SORCS3: variants seen among roughly 807,000 people sequenced by gnomAD.
SORCS3 encodes the protein VPS10 domain-containing receptor SorCS3.
A neutral mutation model predicts 146.3 loss-of-function variants in SORCS3; 57 were observed. The observed-to-expected ratio is 0.39, with a 90% CI of 0.31 to 0.49. The LOEUF (loss-of-function observed/expected upper bound fraction) is 0.49, where lower values mean the gene tolerates loss of function less well. Ranked by LOEUF, SORCS3 falls within the 20% of genes least tolerant of loss-of-function variation. The pLI is 0.92. For synonymous variants in SORCS3, 653 were observed against 618.5 expected, an observed-to-expected ratio of 1.06 and a Z score of -0.83; for missense variants, 1,341 against 1,575.5, an observed-to-expected ratio of 0.85 and a Z score of 2.52.
intron 1 of SORCS3, among the ~76,000 whole-genome samples, chr10:104,751,285 A>G (rs2016980329): frequency 6.6e-6 from 1 of 152,186 alleles, no homozygotes; most frequent in Non-Finnish European, 1.5e-5. Flanking sequence ...ACTCTCTCTT[A>G]TGGGAGATTA....
At chr10:104,843,644 TTAA>T (rs758290755) in intron 2 of SORCS3, among the ~76,000 whole-genome samples, 3 of 152,164 alleles carry the variant, frequency 2.0e-5, no homozygotes, top group Non-Finnish European at 2.9e-5. Flanking sequence ...AGAGAGAACC[TTAA>T]TAAAGCCATG....
At chr10:104,756,736 G>A (rs2017057543) in intron 1 of SORCS3, among the ~76,000 whole-genome samples, 1 of 152,212 alleles carries the variant, frequency 6.6e-6, no homozygotes, top group African/African-American at 2.4e-5. Context: ...TCAGACAGTG[G>A]TCAGGGTAAC....
intron 3 of SORCS3, among the ~76,000 whole-genome samples, chr10:104,974,159 G>C (rs1163687845): frequency 2.0e-5 from 3 of 152,130 alleles, no homozygotes; most frequent in Admixed American, 2.0e-4. Context: ...GTGCTGAAAA[G>C]AATGTATATT....
At chr10:104,898,515 A>G (rs1472315369) in intron 2 of SORCS3, among the ~76,000 whole-genome samples, 1 of 152,206 alleles carries the variant, frequency 6.6e-6, no homozygotes, top group African/African-American at 2.4e-5. Flanking sequence ...AAAACCCTGG[A>G]ACCTCACTGT....
chr10:104,719,218 C>T (rs915970309), intron 1 of SORCS3, among the ~76,000 whole-genome samples: 1 of 152,152 alleles, frequency 6.6e-6, no homozygotes, highest in Non-Finnish European at 1.5e-5. Flanking sequence ...CCGTATTGGA[C>T]AGCACGGGTC....
At chr10:104,769,675 T>A (rs1325531241) in intron 1 of SORCS3, among the ~76,000 whole-genome samples, 2 of 152,084 alleles carry the variant, frequency 1.3e-5, no homozygotes, top group African/African-American at 2.4e-5. Flanking sequence ...GTCTGAGACA[T>A]CTGCTTGGAG....
At chr10:105,123,357 T>C (rs2055948955) in intron 7 of SORCS3, among the ~76,000 whole-genome samples, 1 of 152,224 alleles carries the variant, frequency 6.6e-6, no homozygotes, top group South Asian at 2.1e-4. Flanking sequence ...GGAAAGGGAT[T>C]GCTGTTCAGA....
intron 2 of SORCS3, among the ~76,000 whole-genome samples, chr10:104,907,853 T>C (rs962128996): frequency 1.3e-5 from 2 of 152,240 alleles, no homozygotes. Context: ...TTTAAATGAC[T>C]TACTTTTGGC....
chr10:104,979,757 A>G (rs903447437), intron 4 of SORCS3, among the ~76,000 whole-genome samples: 4 of 152,202 alleles, frequency 2.6e-5, no homozygotes, highest in African/African-American at 7.2e-5. Context: ...CATGGCATCA[A>G]GTGGATATTG....
At chr10:104,725,790 A>G (rs555955080) in intron 1 of SORCS3, among the ~76,000 whole-genome samples, 59 of 152,282 alleles carry the variant, frequency 3.9e-4, no homozygotes, top group African/African-American at 1.3e-3. Flanking sequence ...GCGGGATATA[A>G]TCTCCTGGTG....
At chr10:104,749,862 C>T (rs1589484300) in intron 1 of SORCS3, among the ~76,000 whole-genome samples, 2 of 151,986 alleles carry the variant, frequency 1.3e-5, no homozygotes, top group East Asian at 1.9e-4. Context: ...TTTTTAAAGC[C>T]GTGATCTCAC....
At chr10:105,137,657 A>G (rs1455385716) in intron 7 of SORCS3, among the ~76,000 whole-genome samples, 1 of 152,184 alleles carries the variant, frequency 6.6e-6, no homozygotes, top group Admixed American at 6.5e-5. Context: ...TTCCCAGACC[A>G]GCAGCATTGG....
chr10:105,046,186 C>T (rs1439788647), intron 5 of SORCS3, among the ~76,000 whole-genome samples: 1 of 152,046 alleles, frequency 6.6e-6, no homozygotes, highest in East Asian at 1.9e-4. Flanking sequence ...AAATGAGAGA[C>T]GATGTTAAAA....
At chr10:104,937,698 A>G (rs7903869) in intron 3 of SORCS3, among the ~76,000 whole-genome samples, 59,786 of 152,094 alleles carry the variant, frequency 0.39, 16,063 homozygotes, top group African/African-American at 0.77. Context: ...CTCATTCCCC[A>G]TGGCTGAGTC....
chr10:104,807,630 G>A (rs2017693934), intron 1 of SORCS3, among the ~76,000 whole-genome samples: 1 of 152,104 alleles, frequency 6.6e-6, no homozygotes, highest in African/African-American at 2.4e-5. Context: ...TTCTCCAAGT[G>A]CTTTCTTCAC....
chr10:105,035,653 A>G (rs1405313525), intron 4 of SORCS3, among the ~76,000 whole-genome samples: 1 of 151,990 alleles, frequency 6.6e-6, no homozygotes, highest in Non-Finnish European at 1.5e-5. Flanking sequence ...TTTTTAGTAG[A>G]GACGGGGTTT....
At position 104,798,087 on chromosome 10, in the gene SORCS3, C is replaced by A. The variant is rs541086052; in HGVS notation, c.628-44705C>A. Among the ~76,000 whole-genome samples the A allele has an allele frequency of 7.9e-4, 121 of 152,212 alleles. 1 individual carries two copies. The highest frequency in any genetic ancestry group is 2.8e-3 in the African/African-American group (116 of 41,540). The stretch of plus-strand genomic sequence containing the variant: ...ATTTAATAACTAGTAAGGACTCAGG[C>A]ACTCATCAATTAGAAAGGGCTCTGG... On this transcript the variant is annotated intron_variant, in intron 1 of 26. Transcript: ENST00000369701.
chr10:105,167,926 A>T (rs962671714), intron 13 of SORCS3, among the ~76,000 whole-genome samples: 12 of 152,180 alleles, frequency 7.9e-5, no homozygotes, highest in Non-Finnish European at 1.8e-4. Flanking sequence ...GCTGAAAACC[A>T]ATATTCAGAT....
At chr10:104,697,130 A>G (rs929325575) in intron 1 of SORCS3, among the ~76,000 whole-genome samples, 1 of 152,050 alleles carries the variant, frequency 6.6e-6, no homozygotes. Context: ...TTTTTGTTTG[A>G]CAAGTATTTT....
Sources: gnomAD v4.1 joint callset for allele counts (sites outside exome capture counted in the v4.1 genomes callset) on GRCh38, gnomAD v4.1.1 for gene constraint, MANE v1.5 for transcripts, NCBI Gene and HGNC (gene_info 2026-07-23, HGNC 2026-07-21) for gene names.